Variants in DCUN1D1 observed in about 807,000 individuals in gnomAD.
The protein encoded by DCUN1D1 is defective in cullin neddylation 1 domain containing 1.
Under a neutral mutation model 39.0 loss-of-function variants are expected in DCUN1D1, and 3 were observed. The ratio of observed to expected loss-of-function variants is 0.08; its 90% confidence interval spans 0.04 to 0.20. The LOEUF (loss-of-function observed/expected upper bound fraction) is 0.20, where lower values mean the gene tolerates loss of function less well. DCUN1D1 is among the 10% of genes least tolerant of loss of function. The probability of loss-of-function intolerance (pLI) is 1.00; values close to 1 mark genes in which losing one functional copy is unlikely to be tolerated. For synonymous variants in DCUN1D1, 82 were observed against 96.3 expected (o/e 0.85, Z 0.87); for missense variants, 158 against 302.4 (o/e 0.52, Z 3.54).
At chr3:182,946,274 T>C (rs1239480997) in intron 6 of DCUN1D1, among the ~76,000 whole-genome samples, 7 of 151,968 alleles carry the variant, frequency 4.6e-5, no homozygotes. Flanking sequence ...CAAAAAAAAA[T>C]AGGCTGGGCG....
chr3:182,954,621 G>T (rs1726933800), intron 4 of DCUN1D1, among the ~76,000 whole-genome samples: 1 of 151,796 alleles, frequency 6.6e-6, no homozygotes. Flanking sequence ...CGAGAAAAAA[G>T]GTAAAAACAA....
At chr3:182,950,155 T>C (rs1226518335) in intron 4 of DCUN1D1, among the ~76,000 whole-genome samples, 2 of 151,698 alleles carry the variant, frequency 1.3e-5, no homozygotes. Flanking sequence ...TTATCACTTA[T>C]CTTTTTTTTT....
intron 4 of DCUN1D1, among the ~76,000 whole-genome samples, chr3:182,958,638 G>C (rs940682514): frequency 6.6e-6 from 1 of 152,052 alleles, no homozygotes; most frequent in Non-Finnish European, 1.5e-5. Flanking sequence ...CTCATCTTAT[G>C]AAACAAAAAC....
chr3:182,951,236 T>G (rs1726717418), intron 4 of DCUN1D1, among the ~76,000 whole-genome samples: 1 of 152,140 alleles, frequency 6.6e-6, no homozygotes, highest in African/African-American at 2.4e-5. Flanking sequence ...CTTTAAATGC[T>G]TTAAGTTTAT....
At chr3:182,947,695 C>G in intron 4 of DCUN1D1, 63 bp from the exon 5 acceptor site, 3 of 981,414 alleles carry the variant, frequency 3.1e-6, no homozygotes, top group Non-Finnish European at 4.6e-6. Flanking sequence ...GCAAAAATAA[C>G]AAACAAACAA....
chr3:182,973,440 T>C (rs534557310), intron 1 of DCUN1D1, among the ~76,000 whole-genome samples: 3 of 152,350 alleles, frequency 2.0e-5, no homozygotes, highest in African/African-American at 7.2e-5. Context: ...ACTGTACTAC[T>C]AAGTCCAGTA....
chr3:182,982,940 G>A (rs1728608469), upstream of DCUN1D1, among the ~76,000 whole-genome samples: 2 of 152,092 alleles, frequency 1.3e-5, no homozygotes, highest in African/African-American at 4.8e-5. Flanking sequence ...CACCGCGCCT[G>A]GCCAGCCAAT....
At chr3:182,962,669 C>T (rs1339635190) in intron 3 of DCUN1D1, among the ~76,000 whole-genome samples, 1 of 152,206 alleles carries the variant, frequency 6.6e-6, no homozygotes, top group African/African-American at 2.4e-5. Context: ...GAGGTGGTAG[C>T]AGCTTACTGC....
At chr3:182,975,382 T>G (rs111935741) in intron 1 of DCUN1D1, among the ~76,000 whole-genome samples, 7,154 of 151,906 alleles carry the variant, frequency 0.047, 563 homozygotes, top group African/African-American at 0.16. Flanking sequence ...TTCACCGTGT[T>G]AGCCAGGATG....
chr3:182,967,431 G>C (rs1279011839), intron 1 of DCUN1D1, among the ~76,000 whole-genome samples: 1 of 151,956 alleles, frequency 6.6e-6, no homozygotes, highest in Non-Finnish European at 1.5e-5. Context: ...TACTTCTACC[G>C]ATCACAGTAA....
chr3:182,981,727 T>TA (rs1728557715), upstream of DCUN1D1, among the ~76,000 whole-genome samples: 1 of 152,254 alleles, frequency 6.6e-6, no homozygotes, highest in Non-Finnish European at 1.5e-5. Flanking sequence ...AATTTGTTCT[T>TA]ACCAAAACAA....
intron 4 of DCUN1D1, among the ~76,000 whole-genome samples, chr3:182,949,546 C>T (rs1402853353): frequency 6.6e-6 from 1 of 152,010 alleles, no homozygotes; most frequent in East Asian, 1.9e-4. Context: ...ATAGCAAGAC[C>T]CCATCTCTAG....
chr3:182,969,235 C>T lies in DCUN1D1; in HGVS notation c.4-3482G>A, dbSNP rs550357499. 5.9e-5 allele frequency among the ~76,000 whole-genome samples: 9 copies of T among 152,324 alleles called. No homozygotes were observed. In the East Asian group the frequency reaches 1.7e-3, roughly 29 times the overall value. ...TCTCAAAGGCTATCCTAGAATAAAG[C>T]TGGAGTATACCTGACCAATTTAGGG... On this transcript the variant is annotated intron_variant, in intron 1 of 6. Coordinates refer to ENST00000292782, the MANE Select transcript of DCUN1D1 (RefSeq NM_020640.4).
chr3:182,965,878 TAAGA>T (rs1489154400), intron 1 of DCUN1D1, 125 bp from the exon 2 acceptor site: 6 of 660,046 alleles, frequency 9.1e-6, no homozygotes, highest in Non-Finnish European at 1.5e-5. Context: ...CATTTTAGCT[TAAGA>T]TTTATTTTTG....
intron 6 of DCUN1D1, among the ~76,000 whole-genome samples, chr3:182,945,375 T>C (rs1726340262): frequency 6.6e-6 from 1 of 152,244 alleles, no homozygotes; most frequent in Admixed American, 6.5e-5. Context: ...CCTTGTGATT[T>C]ATTACTCCAA....
intron 1 of DCUN1D1, among the ~76,000 whole-genome samples, chr3:182,978,367 G>T (rs896329964): frequency 1.3e-5 from 2 of 151,716 alleles, no homozygotes; most frequent in African/African-American, 4.9e-5. Context: ...ATTAGGGCCA[G>T]TGGTGAGTCT....
At chr3:182,957,961 A>C (rs1027681285) in intron 4 of DCUN1D1, among the ~76,000 whole-genome samples, 69 of 150,242 alleles carry the variant, frequency 4.6e-4, no homozygotes, top group Non-Finnish European at 7.4e-4. Flanking sequence ...AAAAAAAAAA[A>C]CAGAAACATG....
chr3:182,984,360 A>G (rs1728658420), upstream of DCUN1D1, among the ~76,000 whole-genome samples: 1 of 152,236 alleles, frequency 6.6e-6, no homozygotes, highest in African/African-American at 2.4e-5. Flanking sequence ...TTAAATGGAA[A>G]AGCATCCTGA....
At chr3:182,961,158 C>A in intron 4 of DCUN1D1, 68 bp downstream of exon 4, 3 of 1,131,160 alleles carry the variant, frequency 2.7e-6, no homozygotes, top group East Asian at 2.5e-5. Context: ...CTTTCTATTA[C>A]AAAAACGACA....
Sources: gnomAD v4.1 joint callset for allele counts (sites outside exome capture counted in the v4.1 genomes callset) on GRCh38, gnomAD v4.1.1 for gene constraint, MANE v1.5 for transcripts, NCBI Gene and HGNC (gene_info 2026-07-23, HGNC 2026-07-21) for gene names.